Variants in ROR1 observed in about 807,000 individuals in gnomAD.
ROR1 encodes inactive tyrosine-protein kinase transmembrane receptor ROR1.
ROR1 carries 19 observed loss-of-function variants against 78.8 expected under a neutral mutation model. The observed-to-expected ratio is 0.24, with a 90% CI of 0.17 to 0.35. The LOEUF is 0.35. Ranked by LOEUF, ROR1 falls within the 10% of genes least tolerant of loss-of-function variation. ROR1 has a pLI of 1.00. For missense variants in ROR1, 917 were observed against 1,177.8 expected, an observed-to-expected ratio of 0.78 and a Z score of 3.24; for synonymous variants, 386 against 433.6, an observed-to-expected ratio of 0.89 and a Z score of 1.36.
chr1:63,909,244 T>G (rs1246450824), intron 1 of ROR1, among the ~76,000 whole-genome samples: 1 of 152,210 alleles, frequency 6.6e-6, no homozygotes, highest in Non-Finnish European at 1.5e-5. Flanking sequence ...TTCTTTTCTC[T>G]TTTTTAACTT....
At chr1:63,817,255 A>G (rs1263030221) in intron 1 of ROR1, among the ~76,000 whole-genome samples, 1 of 152,176 alleles carries the variant, frequency 6.6e-6, no homozygotes, top group Admixed American at 6.5e-5. Flanking sequence ...CCAGGGCAGC[A>G]TGATGTCAAC....
At chr1:64,007,950 CTTG>C (rs1646442422) in intron 1 of ROR1, among the ~76,000 whole-genome samples, 1 of 84,484 alleles carries the variant, frequency 1.2e-5, no homozygotes, top group Non-Finnish European at 2.7e-5. Context: ...GTATTTTGCC[CTTG>C]TTCTTTTTTT....
chr1:64,050,098 C>G, intron 3 of ROR1, 120 bp downstream of exon 3: 2 of 1,135,708 alleles, frequency 1.8e-6, no homozygotes, highest in Admixed American at 4.6e-5. Context: ...TCTGTGCCCA[C>G]AACCCTAAAC....
intron 4 of ROR1, among the ~76,000 whole-genome samples, chr1:64,092,941 G>A (rs997279329): frequency 2.6e-5 from 4 of 152,106 alleles, no homozygotes; most frequent in Admixed American, 6.5e-5. Flanking sequence ...ATCCATCATC[G>A]GTGGGGCTTA....
intron 1 of ROR1, among the ~76,000 whole-genome samples, chr1:63,801,343 G>A (rs1407299610): frequency 6.6e-6 from 1 of 152,062 alleles, no homozygotes; most frequent in African/African-American, 2.4e-5. Context: ...CACCCAGGCT[G>A]GAGAGCAGTG....
At chr1:63,934,000 C>G (rs1330580692) in intron 1 of ROR1, among the ~76,000 whole-genome samples, 1 of 152,190 alleles carries the variant, frequency 6.6e-6, no homozygotes, top group Non-Finnish European at 1.5e-5. Context: ...GAGCTGGGCT[C>G]TGTCTCAGAT....
intron 2 of ROR1, among the ~76,000 whole-genome samples, chr1:64,036,531 G>A (rs1435180817): frequency 6.6e-6 from 1 of 152,084 alleles, no homozygotes; most frequent in Non-Finnish European, 1.5e-5. Flanking sequence ...CCTAATATTT[G>A]TGATAATCCA....
intron 4 of ROR1, among the ~76,000 whole-genome samples, chr1:64,061,103 T>G (rs1461602357): frequency 6.6e-6 from 1 of 152,196 alleles, no homozygotes; most frequent in Admixed American, 6.5e-5. Flanking sequence ...TGAATGTATC[T>G]CCCACTTAGC....
chr1:64,157,758 C>T (rs1649814857), intron 7 of ROR1, among the ~76,000 whole-genome samples: 1 of 152,140 alleles, frequency 6.6e-6, no homozygotes. Context: ...TTTTCCTTAC[C>T]AGACGATGAG....
At chr1:63,851,780 A>G (rs1181969272) in intron 1 of ROR1, among the ~76,000 whole-genome samples, 1 of 152,256 alleles carries the variant, frequency 6.6e-6, no homozygotes, top group Non-Finnish European at 1.5e-5. Flanking sequence ...GAACACCTGT[A>G]TATGAAAAAT....
chr1:63,974,892 C>T (rs2100501671), intron 1 of ROR1, among the ~76,000 whole-genome samples: 1 of 152,310 alleles, frequency 6.6e-6, no homozygotes, highest in East Asian at 1.9e-4. Context: ...AACTTGGGTT[C>T]CACCTCTGCC....
intron 1 of ROR1, among the ~76,000 whole-genome samples, chr1:63,897,263 G>A (rs922269193): frequency 2.6e-5 from 4 of 152,152 alleles, no homozygotes; most frequent in Admixed American, 1.3e-4. Flanking sequence ...AAAAGGATAT[G>A]CATAACATAC....
At chr1:63,786,642 G>T (rs1241885074) in intron 1 of ROR1, among the ~76,000 whole-genome samples, 1 of 145,554 alleles carries the variant, frequency 6.9e-6, no homozygotes, top group African/African-American at 2.6e-5. Flanking sequence ...AAACTATGTA[G>T]ATAAGGTGGT....
chr1:63,978,589 G>A (rs370358034), intron 1 of ROR1, among the ~76,000 whole-genome samples: 118 of 152,248 alleles, frequency 7.8e-4, no homozygotes, highest in Admixed American at 3.2e-3. Flanking sequence ...TTGTTATAGC[G>A]TTATGCTTTG....
At chr1:64,121,947 C>A (rs1248658380) in intron 4 of ROR1, among the ~76,000 whole-genome samples, 1 of 152,176 alleles carries the variant, frequency 6.6e-6, no homozygotes, top group Non-Finnish European at 1.5e-5. Flanking sequence ...AAACTGTGAG[C>A]TCTTTGAGCA....
Position 64,029,861 on chromosome 1 carries a change from G to A in ROR1, c.164-19830G>A, listed in dbSNP as rs367762777. On this transcript the variant is annotated intron_variant, in intron 2 of 8. Transcript: ENST00000371079. ...TTGTACCTTTCTTAAAACATCACATGTATTTTCATTTCTCCATGGTTTTGC... is the reference window on the plus strand; with the variant it reads ...TTGTACCTTTCTTAAAACATCACATATATTTTCATTTCTCCATGGTTTTGC... Among the ~76,000 whole-genome samples, 24 of 152,230 alleles carry A rather than the reference G, an allele frequency of 1.6e-4. 1 individual carries two copies. The highest frequency in any genetic ancestry group is 4.6e-4 in the African/African-American group (19 of 41,548).
chr1:64,140,106 C>T lies in ROR1; in HGVS notation c.611-3C>T. On this transcript the variant is annotated splice_polypyrimidine_tract_variant and splice_region_variant and intron_variant, in intron 5 of 8. Transcript: ENST00000371079. ...GGAGTTAATAATTGTGTTTGTTTTC[C>T]AGCTGCCTTCACTATGATTGGCACT... 1.2e-6 allele frequency: 2 copies of T among 1,609,410 alleles called. No individual in the cohort carries two copies. Among genetic ancestry groups the T allele is most frequent in the South Asian group, 2.2e-5 (2 of 90,982 alleles).
At position 63,993,320 on chromosome 1, in the gene ROR1, T is replaced by C. The variant is rs141363878; in HGVS notation, c.92-15985T>C. On this transcript the variant is annotated intron_variant, in intron 1 of 8. Transcript: ENST00000371079. ...ATTTGACAGAGGAATCTTTGAGAAT[T>C]GAACTCTTTTTAATAAAAATTCTCC... is the stretch of plus-strand genomic sequence containing the variant. 3.2e-3 allele frequency among the ~76,000 whole-genome samples: 481 copies of C among 152,300 alleles called. 4 individuals carry two copies. The highest frequency in any genetic ancestry group is 0.011 in the African/African-American group (457 of 41,574).
chr1:63,817,670 C>T (rs577144981), intron 1 of ROR1, among the ~76,000 whole-genome samples: 6 of 152,228 alleles, frequency 3.9e-5, no homozygotes, highest in East Asian at 3.9e-4. Context: ...GGAAGCACAA[C>T]GAGCTTTCTA....
Sources: allele counts gnomAD v4.1 joint callset (sites outside exome capture counted in the v4.1 genomes callset), GRCh38; gene constraint gnomAD v4.1.1; transcripts MANE v1.5; gene names NCBI Gene and HGNC (gene_info 2026-07-23, HGNC 2026-07-21).